Variants in DOCK11 observed in about 807,000 individuals in gnomAD.
The protein encoded by DOCK11 is dedicator of cytokinesis 11, also known as dedicator of cytokinesis protein 11.
DOCK11 carries 70 observed loss-of-function variants against 169.1 expected under a neutral mutation model. The ratio of observed to expected loss-of-function variants is 0.41; its 90% confidence interval spans 0.34 to 0.51. The LOEUF (loss-of-function observed/expected upper bound fraction) is 0.51. Ranked by LOEUF, DOCK11 falls within the 20% of genes least tolerant of loss-of-function variation. DOCK11 has a pLI of 0.10. For synonymous variants in DOCK11, 529 were observed against 541.3 expected (o/e 0.98, Z 0.32); for missense variants, 1,166 against 1,538.8 (o/e 0.76, Z 4.05).
At chrX:118,516,018 T>TATATATATATATATATATACACACACAC (rs1269373292) in intron 1 of DOCK11, among the ~76,000 whole-genome samples, 1 of 81,497 alleles carries the variant, frequency 1.2e-5, no homozygotes, top group African/African-American at 5.2e-5. Context: ...TATATATATA[T>TATATATATATATATATATACACACACAC]ACATTCTTAC....
chrX:118,536,290 C>T (rs2011749723), intron 1 of DOCK11, among the ~76,000 whole-genome samples: 1 of 109,251 alleles, frequency 9.2e-6, no homozygotes, highest in Non-Finnish European at 1.9e-5. Context: ...CAGAGTAAGA[C>T]CTTGTCTCAA....
At chrX:118,634,633 C>G (rs1421525052) in intron 35 of DOCK11, among the ~76,000 whole-genome samples, 1 of 112,913 alleles carries the variant, frequency 8.9e-6, no homozygotes, top group Non-Finnish European at 1.9e-5. Flanking sequence ...GCCGGAAACG[C>G]AGGGACTTCT....
At chrX:118,670,985 T>A (rs2016455614) in intron 45 of DOCK11, 38 bp from the exon 46 acceptor site, 3 of 1,143,521 alleles carry the variant, frequency 2.6e-6, no homozygotes, top group Non-Finnish European at 3.5e-6. Flanking sequence ...ACTCTAAAAC[T>A]ATTTTTAATT....
chrX:118,662,860 C>T (rs2016250857), intron 45 of DOCK11, 68 bp downstream of exon 45: 1 of 642,435 alleles, frequency 1.6e-6, no homozygotes, highest in South Asian at 2.6e-5. Flanking sequence ...ATATATTAAA[C>T]AATTATTACA....
intron 13 of DOCK11, 38 bp from the exon 14 acceptor site, chrX:118,580,059 G>A (rs368135311): frequency 8.6e-7 from 1 of 1,161,575 alleles, no homozygotes; most frequent in Non-Finnish European, 1.2e-6. Flanking sequence ...ATGGCAGTTT[G>A]AACAAATACA....
At chrX:118,606,298 A>G (rs1433746233) in intron 24 of DOCK11, among the ~76,000 whole-genome samples, 1 of 110,945 alleles carries the variant, frequency 9.0e-6, no homozygotes, top group East Asian at 2.8e-4. Context: ...CAAACTCCTG[A>G]TCTCAGGCGA....
rs1233866567 is a variant in DOCK11, at chrX:118,569,139, C to A, written c.1035+977C>A. Among the ~76,000 whole-genome samples the A allele has an allele frequency of 4.9e-5, 4 of 81,779 alleles. No homozygotes were observed. The Admixed American group carries it at 7.0e-4, about 14-fold the overall frequency. The allele number at this position is 81,779 out of a possible 115,157, so 71.0% of individuals were successfully genotyped here. ...TGAGATGGAGTTTTGCTCTTGTTGC[C>A]CAGGCTGGAGTGCAATGGCACGATC... On this transcript the variant is annotated intron_variant, in intron 10 of 52. Coordinates refer to ENST00000276202, the MANE Select transcript of DOCK11 (RefSeq NM_144658.4).
chrX:118,655,577 C>T lies in DOCK11; in HGVS notation c.4969+616C>T, dbSNP rs781009842. ...TCTTGAAGGGCTTTAGGTCCAGCAG[C>T]CCTGGATTCCTAATTTAAGATTCCT... On this transcript the variant is annotated intron_variant, in intron 44 of 52. Transcript: ENST00000276202. 1.5e-4 allele frequency among the ~76,000 whole-genome samples: 17 copies of T among 111,919 alleles called. No homozygotes were observed. In the South Asian group the frequency reaches 6.0e-3, roughly 39 times the overall value.
intron 12 of DOCK11, among the ~76,000 whole-genome samples, chrX:118,577,532 T>G (rs763846006): frequency 8.9e-6 from 1 of 112,280 alleles, no homozygotes; most frequent in Non-Finnish European, 1.9e-5. Context: ...TTTGAACCAC[T>G]TTGTTCACTT....
chrX:118,611,756 TC>T (rs1193436385), intron 28 of DOCK11, among the ~76,000 whole-genome samples: 1 of 111,945 alleles, frequency 8.9e-6, no homozygotes, highest in African/African-American at 3.3e-5. Flanking sequence ...TTGCTTTCTT[TC>T]ATTTTTTTTT....
At chrX:118,644,541 A>G (rs1425488824) in intron 40 of DOCK11, among the ~76,000 whole-genome samples, 1 of 112,154 alleles carries the variant, frequency 8.9e-6, no homozygotes, top group Non-Finnish European at 1.9e-5. Context: ...CTTACTGGAT[A>G]TAGTCCCTAA....
At position 118,509,532 on chromosome X, in the gene DOCK11, C is replaced by T. The variant is rs185501423; in HGVS notation, c.102+13459C>T. 8.1e-5 allele frequency among the ~76,000 whole-genome samples: 9 copies of T among 111,312 alleles called. No individual in the cohort carries two copies. The East Asian group carries it at 8.5e-4, about 11-fold the overall frequency. ...AACTGCCTCGGCCTCCCAAAGTGCT[C>T]GGATTATAGGCGTGAGCCACTGCAC... On this transcript the variant is annotated intron_variant, in intron 1 of 52. Coordinates refer to ENST00000276202, the MANE Select transcript of DOCK11 (RefSeq NM_144658.4).
intron 23 of DOCK11, among the ~76,000 whole-genome samples, chrX:118,603,977 C>G (rs1448869410): frequency 1.8e-5 from 2 of 112,241 alleles, no homozygotes; most frequent in African/African-American, 6.5e-5. Flanking sequence ...TCTTGATACT[C>G]TACGCCAGGA....
At chrX:118,662,905 G>T (rs191683525) in intron 45 of DOCK11, 113 bp downstream of exon 45, 19 of 504,939 alleles carry the variant, frequency 3.8e-5, no homozygotes, top group East Asian at 3.0e-4. Flanking sequence ...AAGGGTTAAT[G>T]AACTTTAAGT....
At chrX:118,507,646 G>A (rs1389174620) in intron 1 of DOCK11, among the ~76,000 whole-genome samples, 1 of 111,799 alleles carries the variant, frequency 8.9e-6, no homozygotes, top group Non-Finnish European at 1.9e-5. Flanking sequence ...CACCGTGCCC[G>A]GCCCGTTTTT....
chrX:118,518,974 A>C (rs2057706153), intron 1 of DOCK11, among the ~76,000 whole-genome samples: 1 of 111,752 alleles, frequency 8.9e-6, no homozygotes, highest in Non-Finnish European at 1.9e-5. Context: ...AGATCTATGA[A>C]ATTTTTTTTT....
chrX:118,506,788 TA>T (rs769105376), intron 1 of DOCK11, among the ~76,000 whole-genome samples: 2 of 112,472 alleles, frequency 1.8e-5, no homozygotes, highest in African/African-American at 3.2e-5. Flanking sequence ...TAAGTTCTGT[TA>T]AGGATAGTGT....
At chrX:118,509,278 T>C (rs1039666394) in intron 1 of DOCK11, among the ~76,000 whole-genome samples, 12 of 110,001 alleles carry the variant, frequency 1.1e-4, no homozygotes, top group Non-Finnish European at 2.1e-4. Flanking sequence ...TTTCTCTCTT[T>C]TTTTTTTTCT....
At chrX:118,644,854 T>G (rs1468633279) in intron 40 of DOCK11, among the ~76,000 whole-genome samples, 4 of 111,646 alleles carry the variant, frequency 3.6e-5, no homozygotes, top group African/African-American at 1.3e-4. Flanking sequence ...CAATTATATT[T>G]GTATTAAGAG....
Sources: allele counts gnomAD v4.1 joint callset (sites outside exome capture counted in the v4.1 genomes callset), GRCh38; gene constraint gnomAD v4.1.1; transcripts MANE v1.5; gene names NCBI Gene and HGNC (gene_info 2026-07-23, HGNC 2026-07-21).